NID2: variants seen among roughly 807,000 people sequenced by gnomAD.
NID2 encodes the protein nidogen 2.
A neutral mutation model predicts 145.4 loss-of-function variants in NID2; 83 were observed. That is an observed-to-expected ratio of 0.57 (90% CI 0.48 to 0.69). The LOEUF is 0.69. Among genes scored for constraint, NID2 ranks in the 30% least tolerant of loss-of-function variants. The pLI is 0.00. For missense variants in NID2, 1,807 were observed against 1,765.7 expected (o/e 1.02, Z -0.42); for synonymous variants, 739 against 701.3 (o/e 1.05, Z -0.85).
At chr14:52,018,843 G>A (rs1373912255) in intron 14 of NID2, among the ~76,000 whole-genome samples, 1 of 152,168 alleles carries the variant, frequency 6.6e-6, no homozygotes, top group Non-Finnish European at 1.5e-5. Context: ...GGTCTAAGAG[G>A]CAAATGTGTA....
rs374790952 is a variant in NID2 at position 52,007,848 on chromosome 14, A to G, written c.3842T>C (p.Phe1281Ser). ...TDIGLPNGLT[F>S]DPFSKLLCWA... The stretch of plus-strand genomic sequence containing the variant: ...GCAGAGCAGTTTAGAGAAAGGGTCA[A>G]AGGTTAAGCCATTGGGCAATCCAAT... The change falls in exon 19 of 22, where the codon TTT becomes TCT. Residue 1281 changes from phenylalanine (F) to serine (S), a missense_variant. Coordinates refer to ENST00000216286, the MANE Select transcript of NID2 (RefSeq NM_007361.4). 4 of 1,613,990 alleles carry G rather than the reference A, an allele frequency of 2.5e-6. No homozygotes were observed. The highest frequency in any genetic ancestry group is 1.3e-5 in the African/African-American group (1 of 75,056).
chr14:52,006,037 T>G, intron 20 of NID2, 188 bp from the exon 21 acceptor site: 1 of 577,078 alleles, frequency 1.7e-6, no homozygotes, highest in South Asian at 1.9e-5. Flanking sequence ...TCTAGCTGCA[T>G]GTTAGAATCA....
In NID2 at chr14:52,068,030, C is replaced by A. The variant is rs1271276662; in HGVS notation, c.362G>T (p.Arg121Leu). 3.1e-6 allele frequency: 5 copies of A among 1,613,782 alleles called. No homozygotes were observed. The highest frequency in any genetic ancestry group is 4.2e-6 in the Non-Finnish European group (5 of 1,179,910). The change falls in exon 2 of 22, where the codon CGA becomes CTA. Residue 121 changes from arginine to leucine, a missense_variant. By Grantham distance (102) the Arg-to-Leu change is moderately radical (BLOSUM62 -2). Coordinates refer to ENST00000216286, the MANE Select transcript of NID2 (RefSeq NM_007361.4). ...GGAGGTGTCCTCTCGGTACAGGACT[C>A]GGCCTCTGCCGTGGCTCGTGTCGAT... ...ADIDTSHGRG[R>L]VLYREDTSPA...
chr14:52,006,514 T>G, intron 20 of NID2, 23 bp downstream of exon 20: 2 of 1,612,846 alleles, frequency 1.2e-6, no homozygotes, highest in South Asian at 2.2e-5. Context: ...TTTTCAGGCT[T>G]GTCCAGAATT....
At chr14:52,039,097 T>C in intron 8 of NID2, 120 bp from the exon 9 acceptor site, 1 of 689,930 alleles carries the variant, frequency 1.4e-6, no homozygotes, top group South Asian at 2.2e-5. Context: ...GGGAACCTCC[T>C]GAGTTTATAT....
rs1296414595 is a variant in NID2, at chr14:52,042,112, G to A, written c.1818C>T (p.Ser606=). 1 of 1,594,940 alleles carries A rather than the reference G, an allele frequency of 6.3e-7. No homozygotes were observed. Among genetic ancestry groups the A allele is most frequent in the African/African-American group, 1.3e-5 (1 of 74,588 alleles). The change falls in exon 7 of 22, where the codon AGC becomes AGT. Residue 606 remains serine, a synonymous_variant. Coordinates refer to ENST00000216286, the MANE Select transcript of NID2 (RefSeq NM_007361.4). ...LEKPGSENGF[S]LAGAAFTHDM... ...CTCAGAGGCCCTACTCACCTGCGAG[G>A]CTGAAGCCGTTCTCAGAGCCAGGTT...
intron 14 of NID2, among the ~76,000 whole-genome samples, chr14:52,018,295 T>C (rs1197937777): frequency 1.3e-5 from 2 of 152,256 alleles, no homozygotes; most frequent in Admixed American, 6.5e-5. Flanking sequence ...GCCAATCCTA[T>C]GCTCTTCATT....
chr14:52,011,951 T>G (rs61971550), intron 16 of NID2: 41,469 of 358,086 alleles, frequency 0.12, 2,870 homozygotes, highest in East Asian at 0.17. Context: ...ATGGTTGCTA[T>G]AAAAATTAAT....
intron 12 of NID2, among the ~76,000 whole-genome samples, chr14:52,023,498 G>GA (rs923730226): frequency 4.2e-4 from 63 of 150,560 alleles, no homozygotes; most frequent in Admixed American, 1.1e-3. Context: ...AATAAGAAAA[G>GA]AAAAAACGCC....
At position 52,059,362 on chromosome 14, in the gene NID2, G is replaced by T. The variant is rs1002815431; in HGVS notation, c.767+762C>A. ...TAATGAAGTCAAGAAGCAGTTAAAG[G>T]AGGCCAGGAAGTAACCAATGTATTC... is the stretch of plus-strand genomic sequence containing the variant. On this transcript the variant is annotated intron_variant, in intron 3 of 21. Transcript: ENST00000216286. Among the ~76,000 whole-genome samples the T allele has an allele frequency of 3.3e-5, 5 of 152,164 alleles. No individual in the cohort carries two copies. The East Asian group carries it at 9.6e-4, about 29-fold the overall frequency.
At position 52,005,731 on chromosome 14, in the gene NID2, T is replaced by C; in HGVS notation, c.4117+6A>G. On this transcript the variant is annotated splice_donor_region_variant and intron_variant, in intron 21 of 21. Transcript: ENST00000216286. ...TTAAAGGAGCATCCTAAAGCATACT[T>C]TTTACCTGTTGGGCAGTAGGGGTAG... 5 of 1,606,618 alleles carry C rather than the reference T, an allele frequency of 3.1e-6. No individual in the cohort carries two copies. The highest frequency in any genetic ancestry group is 4.3e-6 in the Non-Finnish European group (5 of 1,173,202).
In NID2 at chr14:52,008,162, G is replaced by C. The variant is rs146857113; in HGVS notation, c.3723-195C>G. 2,180 of 468,528 alleles carry C rather than the reference G, an allele frequency of 4.7e-3. 7 individuals carry two copies. The highest frequency in any genetic ancestry group is 6.1e-3 in the Non-Finnish European group (1,627 of 268,480). The allele number at this position is 468,528 out of a possible 1,614,324, so 29.0% of individuals were successfully genotyped here. A position where few individuals can be genotyped will look rare whatever the true frequency, so the allele number is the denominator to read the frequency against. On this transcript the variant is annotated intron_variant, in intron 18 of 21. Transcript: ENST00000216286. ...GCAGAAGTGATAGGCTATCACTGCCGATATTCGGTCTCAAAAAACTGGTTT... is the reference window on the plus strand; with the variant it reads ...GCAGAAGTGATAGGCTATCACTGCCCATATTCGGTCTCAAAAAACTGGTTT...
rs1291656360 is a variant in NID2 at position 52,007,900 on chromosome 14, T to A, written c.3790A>T (p.Asn1264Tyr). ...TCTGTATTGATCAGAATTCTTCTGT[T>A]TTCTCCATCTAAAGATGACGTTTCA... Reference protein sequence around the residue: ...KIETSSLDGENRRILINTDIG... With the variant: ...KIETSSLDGEYRRILINTDIG... The change falls in exon 19 of 22, where the codon AAC (asparagine) becomes TAC (tyrosine). Residue 1264 changes from asparagine to tyrosine, a missense_variant. Physicochemically the swap from Asn to Tyr is moderately radical, Grantham distance 143 (BLOSUM62 -2). Coordinates refer to ENST00000216286, the MANE Select transcript of NID2 (RefSeq NM_007361.4). The A allele has an allele frequency of 5.0e-6, 8 of 1,613,986 alleles. No homozygotes were observed. Among genetic ancestry groups the A allele is most frequent in the Non-Finnish European group, 4.2e-6 (5 of 1,179,864 alleles).
At position 52,029,543 on chromosome 14, in the gene NID2, T is replaced by C. The variant is rs369128540; in HGVS notation, c.2401+4A>G. The C allele has an allele frequency of 7.5e-6, 12 of 1,607,670 alleles. No individual in the cohort carries two copies. The highest frequency in any genetic ancestry group is 1.0e-5 in the Non-Finnish European group (12 of 1,174,774). ...AGAAGGAGACACGAGAACATGGCTCTTACCCACACAGTTCCGTCCATCTCC... is the reference window on the plus strand; with the variant it reads ...AGAAGGAGACACGAGAACATGGCTCCTACCCACACAGTTCCGTCCATCTCC... On this transcript the variant is annotated splice_donor_region_variant and intron_variant, in intron 10 of 21. Transcript: ENST00000216286.
chr14:52,026,440 G>A (rs896315862), intron 12 of NID2, among the ~76,000 whole-genome samples: 18 of 152,126 alleles, frequency 1.2e-4, no homozygotes, highest in Admixed American at 2.0e-4. Context: ...CCAGTGTGTC[G>A]TTTTACCCTA....
intron 12 of NID2, among the ~76,000 whole-genome samples, chr14:52,024,591 T>G (rs1891518615): frequency 6.6e-6 from 1 of 152,192 alleles, no homozygotes; most frequent in Non-Finnish European, 1.5e-5. Context: ...CCTGGACCAC[T>G]GATATTAAAT....
intron 5 of NID2, among the ~76,000 whole-genome samples, chr14:52,047,370 G>A (rs1287779287): frequency 6.6e-6 from 1 of 152,064 alleles, no homozygotes; most frequent in African/African-American, 2.4e-5. Context: ...CCACAGATGA[G>A]GGCAGGCGTG....
Position 52,014,392 on chromosome 14 carries a change from A to G in NID2, c.3315T>C (p.Ser1105=). 1 of 1,614,218 alleles carries G rather than the reference A, an allele frequency of 6.2e-7. No homozygotes were observed. Among genetic ancestry groups the G allele is most frequent in the Non-Finnish European group, 8.5e-7 (1 of 1,180,026 alleles). Residue 1105 remains serine, a synonymous_variant, in exon 16 of 22, where the codon TCT becomes TCC. Coordinates refer to ENST00000216286, the MANE Select transcript of NID2 (RefSeq NM_007361.4). ...PTPRPDVTPP[S]VGTFLLYTQG... ...GAGTATAGAGCAGGAAGGTGCCCAC[A>G]GATGGAGGGGTCACATCTGGCCGGG...
chr14:52,057,013 T>A (rs900327943), intron 3 of NID2, among the ~76,000 whole-genome samples: 1 of 152,090 alleles, frequency 6.6e-6, no homozygotes, highest in Non-Finnish European at 1.5e-5. Flanking sequence ...AAGAAAACAA[T>A]TGACTAGGAA....
Sources: allele counts gnomAD v4.1 joint callset (sites outside exome capture counted in the v4.1 genomes callset), GRCh38; gene constraint gnomAD v4.1.1; transcripts MANE v1.5; gene names NCBI Gene and HGNC (gene_info 2026-07-23, HGNC 2026-07-21).